The following STXBP5 variants were observed in gnomAD, a reference collection of about 807,000 sequenced individuals.
The protein encoded by STXBP5 is syntaxin-binding protein 5.
A neutral mutation model predicts 152.4 loss-of-function variants in STXBP5; 50 were observed. The observed-to-expected ratio is 0.33, with a 90% confidence interval of 0.26 to 0.42. STXBP5 has a LOEUF of 0.42. STXBP5 is among the 10% of genes least tolerant of loss of function. The probability of loss-of-function intolerance (pLI) is 1.00; values close to 1 mark genes in which losing one functional copy is unlikely to be tolerated. For missense variants in STXBP5, 1,167 were observed against 1,388.6 expected, an observed-to-expected ratio of 0.84 and a Z score of 2.54; for synonymous variants, 492 against 494.7, an observed-to-expected ratio of 0.99 and a Z score of 0.07.
Position 147,384,695 on chromosome 6 carries a change from CT to C in STXBP5, c.3415-11del, listed in dbSNP as rs768426429. 12 of 1,603,832 alleles carry C rather than the reference CT, an allele frequency of 7.5e-6. No individual in the cohort carries two copies. Among genetic ancestry groups the C allele is most frequent in the Middle Eastern group, 1.7e-4 (1 of 6,030 alleles). On this transcript the variant is annotated intron_variant, in intron 27 of 27. Coordinates refer to ENST00000321680, the MANE Select transcript of STXBP5 (RefSeq NM_001127715.4). Reference sequence around the variant, plus strand: ...TCCGGCATTTTAAAAGCATGTTTTTCTTTTTTTTCCCCCTTTAGATTATGTT... The same window carrying C: ...TCCGGCATTTTAAAAGCATGTTTTTCTTTTTTTCCCCCTTTAGATTATGTT...
intron 4 of STXBP5, among the ~76,000 whole-genome samples, chr6:147,241,546 C>T (rs898381208): frequency 6.6e-6 from 1 of 152,100 alleles, no homozygotes; most frequent in Non-Finnish European, 1.5e-5. Context: ...ATGTTACACT[C>T]AGTGACAATT....
chr6:147,288,158 T>C (rs1320519971), intron 8 of STXBP5, among the ~76,000 whole-genome samples: 1 of 152,164 alleles, frequency 6.6e-6, no homozygotes, highest in African/African-American at 2.4e-5. Flanking sequence ...GCTGTAATAC[T>C]TCCAACAGAT....
intron 25 of STXBP5, among the ~76,000 whole-genome samples, chr6:147,368,944 A>C (rs1275231540): frequency 6.6e-6 from 1 of 151,900 alleles, no homozygotes; most frequent in Non-Finnish European, 1.5e-5. Context: ...AAATTTTTTA[A>C]AGTCTTAAAA....
chr6:147,337,209 AC>A (rs1783874180), intron 19 of STXBP5, among the ~76,000 whole-genome samples: 1 of 146,934 alleles, frequency 6.8e-6, no homozygotes, highest in African/African-American at 2.5e-5. Flanking sequence ...ACACACACAC[AC>A]ACACAAGAAG....
At chr6:147,325,193 A>G (rs1220992864) in intron 17 of STXBP5, 109 bp downstream of exon 17, 2 of 1,099,996 alleles carry the variant, frequency 1.8e-6, no homozygotes, top group East Asian at 3.1e-5. Context: ...CTAAAATGGC[A>G]TTCTACAATT....
intron 25 of STXBP5, among the ~76,000 whole-genome samples, chr6:147,373,363 CAAAAAAAAAAAAAA>C (rs11341887): frequency 3.0e-5 from 2 of 67,718 alleles, no homozygotes; most frequent in Non-Finnish European, 5.4e-5. Context: ...GAGACTGTCT[CAAAAAAAAAAAAAA>C]AAAAAAAAAA....
chr6:147,219,350 C>G (rs1397688571), intron 2 of STXBP5, among the ~76,000 whole-genome samples: 1 of 152,072 alleles, frequency 6.6e-6, no homozygotes, highest in Non-Finnish European at 1.5e-5. Context: ...TTTTTGCATC[C>G]ATCTTCATGA....
At chr6:147,211,703 T>C (rs926636996) in intron 2 of STXBP5, among the ~76,000 whole-genome samples, 4 of 152,144 alleles carry the variant, frequency 2.6e-5, no homozygotes, top group Non-Finnish European at 5.9e-5. Flanking sequence ...CCTCCTACCT[T>C]GGCCTACCAA....
chr6:147,231,057 C>T lies in STXBP5; in HGVS notation c.249-4193C>T, dbSNP rs114481761. ...AAAGCCATTTAGGCAGTTAGAGTGA[C>T]GCTTGTTTTGAATTTGATATACACT... On this transcript the variant is annotated intron_variant, in intron 2 of 27. Transcript: ENST00000321680. Among the ~76,000 whole-genome samples, 618 of 151,554 alleles carry T rather than the reference C, an allele frequency of 4.1e-3. 9 individuals carry two copies. The highest frequency in any genetic ancestry group is 0.014 in the African/African-American group (580 of 41,404).
At chr6:147,331,224 A>AG (rs1463053067) in intron 18 of STXBP5, among the ~76,000 whole-genome samples, 1 of 152,208 alleles carries the variant, frequency 6.6e-6, no homozygotes, top group Non-Finnish European at 1.5e-5. Flanking sequence ...TCACTGTTTA[A>AG]GGGGGAGGTA....
intron 2 of STXBP5, among the ~76,000 whole-genome samples, chr6:147,213,569 G>A (rs1777006485): frequency 6.6e-6 from 1 of 151,250 alleles, no homozygotes; most frequent in Admixed American, 6.6e-5. Flanking sequence ...TGGTCCCCTG[G>A]GCTCAAGCTG....
At chr6:147,249,604 C>T (rs900305001) in intron 4 of STXBP5, among the ~76,000 whole-genome samples, 5 of 152,124 alleles carry the variant, frequency 3.3e-5, no homozygotes, top group Non-Finnish European at 7.4e-5. Flanking sequence ...ATTCTTCTTG[C>T]TGCTTTATAA....
chr6:147,278,335 A>G (rs900008178), intron 8 of STXBP5, 131 bp downstream of exon 8: 7 of 898,360 alleles, frequency 7.8e-6, no homozygotes, highest in Non-Finnish European at 1.1e-5. Context: ...TTAGGGAATT[A>G]AAAATATTTA....
chr6:147,256,524 T>C (rs1012953001), intron 4 of STXBP5, among the ~76,000 whole-genome samples: 1 of 152,148 alleles, frequency 6.6e-6, no homozygotes, highest in Admixed American at 6.5e-5. Flanking sequence ...AAAATGTCAC[T>C]GAATATGGTT....
chr6:147,280,901 C>T (rs1229537203), intron 8 of STXBP5, among the ~76,000 whole-genome samples: 1 of 152,058 alleles, frequency 6.6e-6, no homozygotes, highest in Non-Finnish European at 1.5e-5. Flanking sequence ...GTAGTGTTAG[C>T]AGTCTAATAG....
At chr6:147,205,857 G>A (rs1582779287) in intron 1 of STXBP5, 114 bp from the exon 2 acceptor site, 1 of 710,208 alleles carries the variant, frequency 1.4e-6, no homozygotes, top group Non-Finnish European at 2.5e-6. Flanking sequence ...AAGTGCATGT[G>A]TATGTGTTTT....
chr6:147,245,475 C>T (rs946258363), intron 4 of STXBP5, among the ~76,000 whole-genome samples: 2 of 151,960 alleles, frequency 1.3e-5, no homozygotes, highest in African/African-American at 2.4e-5. Flanking sequence ...ACAAATTTGC[C>T]GATAGTAGTA....
intron 8 of STXBP5, among the ~76,000 whole-genome samples, chr6:147,281,160 G>A (rs1327643977): frequency 6.6e-6 from 1 of 152,112 alleles, no homozygotes; most frequent in Non-Finnish European, 1.5e-5. Flanking sequence ...AGGTTCAAGC[G>A]ATTCTCCTGC....
intron 2 of STXBP5, among the ~76,000 whole-genome samples, chr6:147,234,837 A>G (rs970262819): frequency 1.3e-5 from 2 of 152,128 alleles, no homozygotes; most frequent in African/African-American, 2.4e-5. Flanking sequence ...CCTAAAAGCA[A>G]CATTCCAAAA....
Sources: gnomAD v4.1 joint callset for allele counts (sites outside exome capture counted in the v4.1 genomes callset) on GRCh38, gnomAD v4.1.1 for gene constraint, MANE v1.5 for transcripts, NCBI Gene and HGNC (gene_info 2026-07-23, HGNC 2026-07-21) for gene names.